PLXNC1: variants seen among roughly 807,000 people sequenced by gnomAD.
PLXNC1 encodes plexin C1, also known as plexin-C1.
A neutral mutation model predicts 178.2 loss-of-function variants in PLXNC1; 75 were observed. The ratio of observed to expected loss-of-function variants is 0.42; its 90% CI spans 0.35 to 0.51. The LOEUF (loss-of-function observed/expected upper bound fraction) is 0.51, where lower values mean the gene tolerates loss of function less well. Among genes scored for constraint, PLXNC1 ranks in the 20% least tolerant of loss-of-function variants. The pLI is 0.02. For missense variants in PLXNC1, 1,503 were observed against 1,984.4 expected (o/e 0.76, Z 4.61); for synonymous variants, 790 against 779.9 (o/e 1.01, Z -0.22).
intron 23 of PLXNC1, among the ~76,000 whole-genome samples, chr12:94,288,408 G>A (rs952905539): frequency 1.3e-5 from 2 of 152,142 alleles, no homozygotes; most frequent in Non-Finnish European, 2.9e-5. Context: ...CACATTCTTG[G>A]TGGCCCAACT....
At chr12:94,297,138 G>C (rs1968009624) in intron 24 of PLXNC1, 51 bp from the exon 25 acceptor site, 1 of 1,594,574 alleles carries the variant, frequency 6.3e-7, no homozygotes, top group Non-Finnish European at 8.6e-7. Flanking sequence ...ATTAGCCCAT[G>C]GTTGCTTTTT....
intron 7 of PLXNC1, among the ~76,000 whole-genome samples, chr12:94,226,268 GGA>G (rs950551511): frequency 6.6e-6 from 1 of 152,062 alleles, no homozygotes; most frequent in African/African-American, 2.4e-5. Flanking sequence ...GTAGAGGCGG[GGA>G]GAGAGAGAGA....
chr12:94,226,672 A>G lies in PLXNC1; in HGVS notation c.1858A>G (p.Thr620Ala). ...KSARRCIHPF[T>A]ACDPSDYERN... ...TGCAAGAAGGTGTATCCACCCCTTC[A>G]CAGCTTGCGACCCTTCTGATTATGA... Residue 620 changes from threonine to alanine, a missense_variant, in exon 8 of 31, where the codon ACA becomes GCA. By Grantham distance (58) the Thr-to-Ala change is moderately conservative (BLOSUM62 0). Around this residue, in one of 4 missense-constraint regions of PLXNC1, gnomAD observed 615 missense variants for 698.6 expected, o/e 0.88. Transcript: ENST00000258526. The G allele has an allele frequency of 1.9e-6, 3 of 1,613,528 alleles. No homozygotes were observed. The highest frequency in any genetic ancestry group is 2.5e-6 in the Non-Finnish European group (3 of 1,179,480).
At chr12:94,201,876 C>T (rs147749935) in intron 4 of PLXNC1, among the ~76,000 whole-genome samples, 1 of 146,844 alleles carries the variant, frequency 6.8e-6, no homozygotes, top group East Asian at 2.1e-4. Flanking sequence ...AAGCAATTCT[C>T]GTGCCTCAGC....
At chr12:94,163,937 A>C (rs971495074) in intron 1 of PLXNC1, among the ~76,000 whole-genome samples, 10 of 152,218 alleles carry the variant, frequency 6.6e-5, no homozygotes. Flanking sequence ...GCTGAATAAA[A>C]GTAATCTAAT....
At chr12:94,268,251 G>C (rs1965364444) in intron 21 of PLXNC1, among the ~76,000 whole-genome samples, 1 of 152,144 alleles carries the variant, frequency 6.6e-6, no homozygotes, top group African/African-American at 2.4e-5. Context: ...GAACATAAAG[G>C]CATCTTGCCA....
chr12:94,220,029 T>C lies in PLXNC1; in HGVS notation c.1568T>C (p.Met523Thr), dbSNP rs765356129. Residue 523 changes from methionine (M) to threonine (T), a missense_variant, in exon 6 of 31, where the codon ATG becomes ACG. By Grantham distance (81) the Met-to-Thr change is moderately conservative (BLOSUM62 -1). This residue lies in a region of PLXNC1 where 615 missense variants were observed against 698.6 expected (regional missense o/e 0.88). Coordinates refer to ENST00000258526, the MANE Select transcript of PLXNC1 (RefSeq NM_005761.3). ...TTCCCCGCACAGACTACAGTGACTA[T>C]GGTGGGAAGCTTCTCTCCAAGACAC... ...RSSKEKTTVTMVGSFSPRHSK... is the reference protein window; with the variant it reads ...RSSKEKTTVTTVGSFSPRHSK... The C allele has an allele frequency of 5.0e-6, 8 of 1,613,684 alleles. No homozygotes were observed. The highest frequency in any genetic ancestry group is 5.1e-6 in the Non-Finnish European group (6 of 1,179,864).
At chr12:94,155,156 A>C (rs1335314760) in intron 1 of PLXNC1, among the ~76,000 whole-genome samples, 1 of 152,094 alleles carries the variant, frequency 6.6e-6, no homozygotes, top group Non-Finnish European at 1.5e-5. Context: ...CCAATCTGAG[A>C]GTTACTTTTG....
rs151049539 is a variant in PLXNC1 at position 94,176,661 on chromosome 12, C to T, written c.1204-4785C>T. Among the ~76,000 whole-genome samples the T allele has an allele frequency of 1.9e-3, 292 of 152,130 alleles. 2 individuals are homozygous for T. The highest frequency in any genetic ancestry group is 0.015 in the Admixed American group (234 of 15,278). ...ACTCAAAAGAACCAAGAAAATATTC[C>T]GTGAAAGGCACCTGGTCTTGACTTC... On this transcript the variant is annotated intron_variant, in intron 2 of 30. Transcript: ENST00000258526.
Position 94,282,397 on chromosome 12 carries a change from A to G in PLXNC1, c.3875A>G (p.Tyr1292Cys), listed in dbSNP as rs372794681. 1 of 1,601,836 alleles carries G rather than the reference A, an allele frequency of 6.2e-7. No individual in the cohort carries two copies. Among genetic ancestry groups the G allele is most frequent in the Non-Finnish European group, 8.6e-7 (1 of 1,168,966 alleles). ...ACCAAGCTAAACACCATTGGCCACTATGAGGTAAGAGCAAGACTTGACCCC... is the reference window on the plus strand; with the variant it reads ...ACCAAGCTAAACACCATTGGCCACTGTGAGGTAAGAGCAAGACTTGACCCC... ...GITKLNTIGH[Y>C]EISNGSTIKV... Residue 1292 changes from tyrosine to cysteine, a missense_variant, in exon 23 of 31, where the codon TAT (tyrosine) becomes TGT (cysteine). Tyr to Cys is a radical substitution (Grantham distance 194). Coordinates refer to ENST00000258526, the MANE Select transcript of PLXNC1 (RefSeq NM_005761.3).
chr12:94,251,650 T>G (rs987148986), intron 15 of PLXNC1, 122 bp downstream of exon 15: 1 of 699,184 alleles, frequency 1.4e-6, no homozygotes, highest in Non-Finnish European at 2.6e-6. Flanking sequence ...AAAGCCCAAA[T>G]CAAAACTTTG....
At chr12:94,288,033 TGGCTCTGCG>T (rs1377927828) in intron 23 of PLXNC1, among the ~76,000 whole-genome samples, 3 of 152,222 alleles carry the variant, frequency 2.0e-5, no homozygotes, top group Non-Finnish European at 4.4e-5. Flanking sequence ...CTAGAGACTG[TGGCTCTGCG>T]CAGGGCCTGA....
At chr12:94,285,959 C>A (rs1966817146) in intron 23 of PLXNC1, among the ~76,000 whole-genome samples, 2 of 152,254 alleles carry the variant, frequency 1.3e-5, no homozygotes, top group African/African-American at 4.8e-5. Flanking sequence ...ATGGGGCTAC[C>A]CACTGCCATT....
In PLXNC1 at chr12:94,169,218, G is replaced by C. The variant is rs771055303; in HGVS notation, c.1128G>C (p.Leu376=). ...CATCTACCTTGATCCATTCCGACCT[G>C]ACATCCGTTTATGGCACCGTGGTAA... The part of the protein sequence containing the change: ...IASSTLIHSD[L]TSVYGTVVMN... Residue 376 remains leucine, a synonymous_variant, in exon 2 of 31, where the codon CTG becomes CTC. Transcript: ENST00000258526. 2.5e-6 allele frequency: 4 copies of C among 1,613,894 alleles called. No individual in the cohort carries two copies. Among genetic ancestry groups the C allele is most frequent in the Non-Finnish European group, 3.4e-6 (4 of 1,179,788 alleles).
chr12:94,240,464 T>G, intron 10 of PLXNC1, 21 bp from the exon 11 acceptor site: 1 of 1,599,076 alleles, frequency 6.3e-7, no homozygotes, highest in South Asian at 1.1e-5. Flanking sequence ...ATGTGAGAGT[T>G]CTTTTTCTAC....
At chr12:94,226,405 C>A (rs1271235318) in intron 7 of PLXNC1, 200 bp from the exon 8 acceptor site, 3 of 516,914 alleles carry the variant, frequency 5.8e-6, no homozygotes, top group African/African-American at 1.9e-5. Context: ...CATGGCAACA[C>A]CCCTGCAGGT....
intron 16 of PLXNC1, 143 bp from the exon 17 acceptor site, chr12:94,255,050 C>T (rs1037464103): frequency 2.2e-6 from 2 of 901,194 alleles, no homozygotes; most frequent in Non-Finnish European, 3.5e-6. Flanking sequence ...TATTTCAGCT[C>T]TTCTCTGCAG....
intron 23 of PLXNC1, among the ~76,000 whole-genome samples, chr12:94,286,482 G>C (rs1022275097): frequency 6.6e-6 from 1 of 151,980 alleles, no homozygotes; most frequent in Admixed American, 6.6e-5. Flanking sequence ...GCTGAAGTTT[G>C]CTTTTACCCT....
At chr12:94,155,493 A>C (rs1410759179) in intron 1 of PLXNC1, among the ~76,000 whole-genome samples, 1 of 152,212 alleles carries the variant, frequency 6.6e-6, no homozygotes, top group East Asian at 1.9e-4. Context: ...TGAGGCACCT[A>C]GGATAGGAAC....
Sources: gnomAD v4.1 joint callset for allele counts (sites outside exome capture counted in the v4.1 genomes callset) on GRCh38, gnomAD v4.1.1 for gene constraint, gnomAD v4.1.1 regional missense constraint, MANE v1.5 for transcripts, NCBI Gene and HGNC (gene_info 2026-07-23, HGNC 2026-07-21) for gene names.